The following CFAP77 variants were observed in gnomAD, a reference collection of about 807,000 sequenced individuals.
CFAP77 encodes the protein cilia and flagella associated protein 77, also known as cilia- and flagella-associated protein 77.
CFAP77 carries 25 observed loss-of-function variants against 31.1 expected under a neutral mutation model. That is an observed-to-expected ratio of 0.80 (90% confidence interval 0.59 to 1.12). The LOEUF is 1.12. CFAP77 is among the 50% of genes most tolerant of loss of function. CFAP77 has a pLI of 0.00. For synonymous variants in CFAP77, 151 were observed against 159.9 expected (o/e 0.94, Z 0.42); for missense variants, 377 against 397.3 (o/e 0.95, Z 0.44).
At chr9:132,508,940 G>A (rs2118988208) in intron 3 of CFAP77, among the ~76,000 whole-genome samples, 1 of 152,336 alleles carries the variant, frequency 6.6e-6, no homozygotes, top group South Asian at 2.1e-4. Flanking sequence ...CAGGCCGCAT[G>A]CTTCCAGGAG....
At chr9:132,544,465 T>C (rs1404307963) in intron 5 of CFAP77, among the ~76,000 whole-genome samples, 2 of 150,970 alleles carry the variant, frequency 1.3e-5, no homozygotes, top group African/African-American at 2.4e-5. Context: ...ATCCTGGCCC[T>C]GGCTGTGGTC....
chr9:132,499,539 C>T lies in CFAP77; in HGVS notation c.463C>T (p.Arg155Trp), dbSNP rs778987941. The T allele has an allele frequency of 4.3e-5, 70 of 1,614,044 alleles. 1 individual carries two copies. The highest frequency in any genetic ancestry group is 8.8e-5 in the South Asian group (8 of 91,088). ...NDIRISDQDD[R>W]RMKKEPPPLP... ...CATCCGCATCAGTGACCAGGATGAC[C>T]GGCGCATGAAGAAAGAGCCGCCCCC... Residue 155 changes from arginine (R) to tryptophan (W), a missense_variant, in exon 3 of 6, where the codon CGG becomes TGG. Arg to Trp is a moderately radical substitution (Grantham distance 101). Coordinates refer to ENST00000393216, the MANE Select transcript of CFAP77 (RefSeq NM_001282957.2). The surrounding 1 kb of genome is among the most constrained non-coding windows in gnomAD (Gnocchi z 5.4).
In CFAP77 at chr9:132,539,087, G is replaced by C. The variant is rs186582319; in HGVS notation, c.630+1381G>C. Among the ~76,000 whole-genome samples the C allele has an allele frequency of 3.9e-4, 60 of 152,018 alleles. No homozygotes were observed. The East Asian group carries it at 0.011, about 28-fold the overall frequency. On this transcript the variant is annotated intron_variant, in intron 4 of 5. Transcript: ENST00000393216. This position sits in a 1 kb window ranked among gnomAD's most constrained non-coding sequence, Gnocchi z 4.3. Reference sequence around the variant, plus strand: ...GGGCAACAGAGCAAGACTCCGTCTCGATAAAAAAATAAATAAATAAAAATA... The same window carrying C: ...GGGCAACAGAGCAAGACTCCGTCTCCATAAAAAAATAAATAAATAAAAATA...
chr9:132,434,762 G>T (rs1004236991), intron 1 of CFAP77, among the ~76,000 whole-genome samples: 1 of 152,192 alleles, frequency 6.6e-6, no homozygotes, highest in South Asian at 2.1e-4. Flanking sequence ...GAACCTGTAG[G>T]GGGGCAGAGG....
intron 1 of CFAP77, among the ~76,000 whole-genome samples, chr9:132,483,069 C>T (rs1287302931): frequency 6.6e-6 from 1 of 151,518 alleles, no homozygotes; most frequent in African/African-American, 2.4e-5. Flanking sequence ...GTCAGGAGTT[C>T]GAGACCAGTC....
intron 1 of CFAP77, among the ~76,000 whole-genome samples, chr9:132,492,410 A>G (rs568706947): frequency 2.2e-4 from 33 of 152,300 alleles, no homozygotes; most frequent in Admixed American, 2.0e-3. Flanking sequence ...GGAGAAGGCC[A>G]GGAAGTCAAG....
chr9:132,509,643 C>T (rs535631078), intron 3 of CFAP77, among the ~76,000 whole-genome samples: 99 of 152,242 alleles, frequency 6.5e-4, no homozygotes, highest in African/African-American at 2.3e-3. Context: ...GTGGTGGGTG[C>T]CTGTAATCCC....
chr9:132,410,475 C>G lies in CFAP77; in HGVS notation c.195+9C>G. ...ACCCTCTCATCGTCAAGGTGAGCACCCCACGCCCACCGCGCTTTCGCTGTC... is the reference window on the plus strand; with the variant it reads ...ACCCTCTCATCGTCAAGGTGAGCACGCCACGCCCACCGCGCTTTCGCTGTC... On this transcript the variant is annotated intron_variant, in intron 1 of 5. Transcript: ENST00000393216. The G allele has an allele frequency of 6.5e-7, 1 of 1,548,650 alleles. No homozygotes were observed. The highest frequency in any genetic ancestry group is 1.2e-5 in the South Asian group (1 of 83,324).
chr9:132,499,657 A>C lies in CFAP77; in HGVS notation c.524+57A>C. 2 of 1,515,822 alleles carry C rather than the reference A, an allele frequency of 1.3e-6. No individual in the cohort carries two copies. The highest frequency in any genetic ancestry group is 1.8e-6 in the Non-Finnish European group (2 of 1,091,968). 93.9% of individuals were successfully genotyped at this position (1,515,822 alleles called of 1,614,324 possible). The stretch of plus-strand genomic sequence containing the variant: ...TTGAGGGGGTGGAGGTACCAGCTCA[A>C]TCAGGGACAAGGTCGGAGGGTGACA... On this transcript the variant is annotated intron_variant, in intron 3 of 5. Transcript: ENST00000393216. The surrounding 1 kb of genome is among the most constrained non-coding windows in gnomAD (Gnocchi z 5.4).
intron 1 of CFAP77, among the ~76,000 whole-genome samples, chr9:132,425,863 C>T (rs924863592): frequency 2.6e-5 from 4 of 152,178 alleles, no homozygotes; most frequent in Non-Finnish European, 5.9e-5. Flanking sequence ...ACGGTGTGTC[C>T]GTAAACTTTT....
intron 1 of CFAP77, among the ~76,000 whole-genome samples, chr9:132,469,832 T>G (rs1484380853): frequency 1.4e-5 from 2 of 144,830 alleles, no homozygotes; most frequent in Admixed American, 1.4e-4. Context: ...TGCCAGTTGC[T>G]CCGTGATTTT....
chr9:132,572,548 A>G lies in CFAP77; in HGVS notation c.*38A>G, dbSNP rs1829974312. On this transcript the variant is annotated 3_prime_UTR_variant, in exon 6 of 6. Coordinates refer to ENST00000393216, the MANE Select transcript of CFAP77 (RefSeq NM_001282957.2). Reference sequence around the variant, plus strand: ...CTGCCACAAGAAGCCATCTTGACATAGTGGAAAATTCCCAGAAGGACTCCC... The same window carrying G: ...CTGCCACAAGAAGCCATCTTGACATGGTGGAAAATTCCCAGAAGGACTCCC... 2.5e-6 allele frequency: 4 copies of G among 1,578,206 alleles called. No individual in the cohort carries two copies. The highest frequency in any genetic ancestry group is 2.3e-5 in the East Asian group (1 of 43,964).
chr9:132,441,985 C>T (rs1165875895), intron 1 of CFAP77, among the ~76,000 whole-genome samples: 1 of 152,206 alleles, frequency 6.6e-6, no homozygotes, highest in Non-Finnish European at 1.5e-5. Flanking sequence ...CCCAGAGTAT[C>T]TTCTACCCTT....
rs769960987 is a variant in CFAP77 at position 132,572,591 on chromosome 9, G to C, written c.*81G>C. 1.5e-6 allele frequency: 2 copies of C among 1,367,924 alleles called. No individual in the cohort carries two copies. The highest frequency in any genetic ancestry group is 2.7e-5 in the South Asian group (2 of 73,784). The allele number at this position is 1,367,924 out of a possible 1,614,324, so 84.7% of individuals were successfully genotyped here. A position where few individuals can be genotyped will look rare whatever the true frequency, so the allele number is the denominator to read the frequency against. On this transcript the variant is annotated 3_prime_UTR_variant, in exon 6 of 6. Coordinates refer to ENST00000393216, the MANE Select transcript of CFAP77 (RefSeq NM_001282957.2). ...GGACTCCCTATCTTGCCCCAACCCT[G>C]ACATTCCCCCATTTTTATGCAGGTT...
At chr9:132,541,992 T>C (rs1177624448) in intron 4 of CFAP77, among the ~76,000 whole-genome samples, 1 of 152,158 alleles carries the variant, frequency 6.6e-6, no homozygotes, top group East Asian at 1.9e-4. Flanking sequence ...ATCCATGTTC[T>C]GTAGGGCCTG....
chr9:132,562,212 C>T (rs1039133336), intron 5 of CFAP77, among the ~76,000 whole-genome samples: 2 of 152,162 alleles, frequency 1.3e-5, no homozygotes, highest in African/African-American at 4.8e-5. Context: ...CACGAGGAGG[C>T]CCTCCCTCAC....
At chr9:132,526,925 A>G (rs1248681430) in intron 3 of CFAP77, among the ~76,000 whole-genome samples, 1 of 6,004 alleles carries the variant, frequency 1.7e-4, no homozygotes, top group African/African-American at 7.4e-4. Context: ...TACCAGAGGT[A>G]CAAGGAGGAA....
At chr9:132,540,160 C>T (rs1852616065) in intron 4 of CFAP77, among the ~76,000 whole-genome samples, 1 of 152,054 alleles carries the variant, frequency 6.6e-6, no homozygotes, top group African/African-American at 2.4e-5. Context: ...AAACTCCTAA[C>T]CTCACGTGAT....
intron 1 of CFAP77, among the ~76,000 whole-genome samples, chr9:132,469,345 C>T (rs1851213190): frequency 6.6e-6 from 1 of 152,222 alleles, no homozygotes; most frequent in Non-Finnish European, 1.5e-5. Context: ...TTATAAGACA[C>T]ATGCTCCCAA....
Sources: gnomAD v4.1 joint callset for allele counts (sites outside exome capture counted in the v4.1 genomes callset) on GRCh38, gnomAD v4.1.1 for gene constraint, Gnocchi (gnomAD v3.1) non-coding constraint, MANE v1.5 for transcripts, NCBI Gene and HGNC (gene_info 2026-07-23, HGNC 2026-07-21) for gene names.